Variants in INTS15 observed in about 807,000 individuals in gnomAD.
INTS15 encodes the protein uncharacterized protein C7orf26.
the INTS15 span, among the ~76,000 whole-genome samples, chr7:6,590,638 C>T: frequency 4.8e-3 from 736 of 152,286 alleles, 4 homozygotes; most frequent in Middle Eastern, 0.01. Context: ...TTCTCCGGGT[C>T]CTGCAGTGTT....
chr7:6,594,556 GCCAGTTCATCA>G, the INTS15 span: 1 of 1,614,102 alleles, frequency 6.2e-7, no homozygotes, highest in South Asian at 1.1e-5. Flanking sequence ...AGATTCTGCT[GCCAGTTCATCA>G]CCTCCGTTAC....
the INTS15 span, among the ~76,000 whole-genome samples, chr7:6,592,689 G>C: frequency 6.7e-6 from 1 of 150,066 alleles, no homozygotes; most frequent in South Asian, 2.1e-4. Flanking sequence ...GCTCACTACA[G>C]CCTTTGCCTC....
At chr7:6,608,415 T>C in the INTS15 span, 1 of 1,370,562 alleles carries the variant, frequency 7.3e-7, no homozygotes, top group Non-Finnish European at 9.4e-7. Context: ...ATGCCGATCC[T>C]GGGAGCCTCT....
the INTS15 span, among the ~76,000 whole-genome samples, chr7:6,594,002 T>A: frequency 5.0e-5 from 2 of 39,786 alleles, no homozygotes; most frequent in Admixed American, 3.4e-4. Flanking sequence ...AGCCTTTAAC[T>A]TTTTTTTTTT....
the INTS15 span, chr7:6,594,659 T>C: frequency 1.3e-6 from 2 of 1,509,078 alleles, no homozygotes; most frequent in East Asian, 4.5e-5. Flanking sequence ...TAGTTTTATT[T>C]TCCACTGAAT....
At chr7:6,602,068 A>G in the INTS15 span, 4 of 1,600,386 alleles carry the variant, frequency 2.5e-6, no homozygotes, top group Non-Finnish European at 3.4e-6. Context: ...TGTCTCCAGT[A>G]TGTTCATTAA....
the INTS15 span, chr7:6,602,859 CAT>C: frequency 2.1e-4 from 85 of 413,288 alleles, no homozygotes; most frequent in Middle Eastern, 4.8e-3. Flanking sequence ...CTGAAGTCCT[CAT>C]GTGTAAAATC....
At chr7:6,598,923 A>C in the INTS15 span, among the ~76,000 whole-genome samples, 1 of 151,834 alleles carries the variant, frequency 6.6e-6, no homozygotes, top group African/African-American at 2.4e-5. Flanking sequence ...AATAGCTGGG[A>C]ATATAGGTGT....
chr7:6,600,212 A>G, the INTS15 span: 6 of 1,614,156 alleles, frequency 3.7e-6, no homozygotes, highest in Non-Finnish European at 5.1e-6. Flanking sequence ...CTTCGACCAC[A>G]TGGTCCCGCT....
At chr7:6,606,988 C>T in the INTS15 span, among the ~76,000 whole-genome samples, 1 of 152,122 alleles carries the variant, frequency 6.6e-6, no homozygotes, top group Non-Finnish European at 1.5e-5. Context: ...CGTGAGCCAC[C>T]AGACCCGGCC....
the INTS15 span, chr7:6,590,541 T>C: frequency 2.1e-6 from 3 of 1,452,222 alleles, no homozygotes; most frequent in East Asian, 5.6e-5. Flanking sequence ...TCCCCAGCGA[T>C]GCAGGGCTGT....
the INTS15 span, chr7:6,602,010 G>C: frequency 8.4e-7 from 1 of 1,190,828 alleles, no homozygotes; most frequent in Non-Finnish European, 1.2e-6. Flanking sequence ...CGCTCTTGCT[G>C]TCTTGCTAGC....
the INTS15 span, chr7:6,602,658 TCA>T: frequency 2.1e-6 from 1 of 471,016 alleles, no homozygotes. Context: ...GTTCCCTGAC[TCA>T]CAGGACGGTA....
the INTS15 span, among the ~76,000 whole-genome samples, chr7:6,601,043 C>T: frequency 1.3e-5 from 2 of 151,304 alleles, no homozygotes; most frequent in Non-Finnish European, 2.9e-5. Flanking sequence ...TCGTAGCTCG[C>T]CACAGTCTCC....
chr7:6,592,166 G>A, the INTS15 span, among the ~76,000 whole-genome samples: 23 of 151,008 alleles, frequency 1.5e-4, no homozygotes, highest in South Asian at 1.9e-3. Context: ...GCAAGACTCC[G>A]TCTCAAAAAA....
chr7:6,600,400 C>T, the INTS15 span: 1 of 1,556,570 alleles, frequency 6.4e-7, no homozygotes, highest in Non-Finnish European at 8.7e-7. Flanking sequence ...GGGGACACCG[C>T]CGCCCTGCAG....
At chr7:6,600,032 T>G in the INTS15 span, 1 of 1,614,104 alleles carries the variant, frequency 6.2e-7, no homozygotes, top group Non-Finnish European at 8.5e-7. Flanking sequence ...GAAGCCCCCC[T>G]TATCCAATGG....
chr7:6,599,623 A>G, the INTS15 span, among the ~76,000 whole-genome samples: 2 of 152,158 alleles, frequency 1.3e-5, no homozygotes, highest in South Asian at 4.1e-4. Flanking sequence ...GGGCACTGGG[A>G]TGTGACAGTG....
At chr7:6,594,304 C>A in the INTS15 span, 2 of 894,462 alleles carry the variant, frequency 2.2e-6, no homozygotes, top group Non-Finnish European at 3.5e-6. Context: ...CCACACTCGG[C>A]CCCATTAACA....
Sources: allele counts gnomAD v4.1 joint callset (sites outside exome capture counted in the v4.1 genomes callset), GRCh38; gene constraint gnomAD v4.1.1; transcripts MANE v1.5; gene names NCBI Gene and HGNC (gene_info 2026-07-23, HGNC 2026-07-21).